CADM2: variants seen among roughly 807,000 people sequenced by gnomAD.
CADM2 encodes the protein cell adhesion molecule 2.
A neutral mutation model predicts 49.8 loss-of-function variants in CADM2; 12 were observed. The observed-to-expected ratio is 0.24, with a 90% CI of 0.15 to 0.39. CADM2 has a LOEUF of 0.39. Ranked by LOEUF, CADM2 falls within the 10% of genes least tolerant of loss-of-function variation. The pLI is 1.00. For missense variants in CADM2, 378 were observed against 492.3 expected (o/e 0.77, Z 2.20); for synonymous variants, 214 against 175.4 (o/e 1.22, Z -1.74).
intron 1 of CADM2, among the ~76,000 whole-genome samples, chr3:85,663,721 TA>T (rs145257246): frequency 6.6e-6 from 1 of 152,126 alleles, no homozygotes; most frequent in African/African-American, 2.4e-5. Flanking sequence ...CTTAACAGCA[TA>T]AAAGCATATT....
intron 1 of CADM2, among the ~76,000 whole-genome samples, chr3:85,334,525 A>G (rs1032314934): frequency 2.0e-5 from 3 of 151,710 alleles, no homozygotes; most frequent in East Asian, 1.9e-4. Context: ...TGATTAATCA[A>G]TGTTCAACAA....
intron 8 of CADM2, among the ~76,000 whole-genome samples, chr3:86,040,564 A>G (rs1735749724): frequency 6.6e-6 from 1 of 152,212 alleles, no homozygotes; most frequent in South Asian, 2.1e-4. Context: ...CAAAGCCTCC[A>G]AGAAATATGG....
intron 1 of CADM2, among the ~76,000 whole-genome samples, chr3:85,713,349 A>C (rs1401094350): frequency 6.6e-6 from 1 of 152,100 alleles, no homozygotes; most frequent in African/African-American, 2.4e-5. Context: ...GGGTTTCGTC[A>C]TGTTGGCCAG....
At chr3:85,763,855 C>G (rs916726750) in intron 2 of CADM2, among the ~76,000 whole-genome samples, 1 of 152,116 alleles carries the variant, frequency 6.6e-6, no homozygotes, top group Non-Finnish European at 1.5e-5. Flanking sequence ...CTTACCCATA[C>G]CCTCTTTACT....
At chr3:85,532,081 G>A (rs77657121) in intron 1 of CADM2, among the ~76,000 whole-genome samples, 78,012 of 151,998 alleles carry the variant, frequency 0.51, 23,093 homozygotes, top group East Asian at 0.85. Context: ...GGAGGCTGAG[G>A]CAGGAGAATG....
intron 1 of CADM2, among the ~76,000 whole-genome samples, chr3:85,184,867 T>G (rs2107711475): frequency 6.6e-6 from 1 of 152,216 alleles, no homozygotes; most frequent in East Asian, 1.9e-4. Context: ...TTCTTCACTG[T>G]TAGGGGGATA....
chr3:85,258,488 C>T (rs764991429), intron 1 of CADM2, among the ~76,000 whole-genome samples: 1 of 147,034 alleles, frequency 6.8e-6, no homozygotes, highest in Non-Finnish European at 1.5e-5. Context: ...ACAATACTCA[C>T]AAAAAGAGGA....
chr3:85,538,028 A>G (rs1292227536), intron 1 of CADM2, among the ~76,000 whole-genome samples: 1 of 152,114 alleles, frequency 6.6e-6, no homozygotes, highest in African/African-American at 2.4e-5. Context: ...TCATATCATA[A>G]TGTATTGTTT....
At chr3:85,268,656 A>C (rs1156788778) in intron 1 of CADM2, among the ~76,000 whole-genome samples, 1 of 151,452 alleles carries the variant, frequency 6.6e-6, no homozygotes, top group Non-Finnish European at 1.5e-5. Context: ...AAAATTCAAA[A>C]AAATGTAAGC....
chr3:85,727,419 G>T (rs1168381596), intron 2 of CADM2, among the ~76,000 whole-genome samples: 1 of 152,030 alleles, frequency 6.6e-6, no homozygotes, highest in African/African-American at 2.4e-5. Context: ...TTTGCTTATA[G>T]AATATGAAAT....
chr3:85,317,897 G>A (rs1437700528), intron 1 of CADM2, among the ~76,000 whole-genome samples: 3 of 152,156 alleles, frequency 2.0e-5, no homozygotes, highest in African/African-American at 4.8e-5. Flanking sequence ...GAATAAGAAG[G>A]TTTGACATTA....
chr3:85,698,452 G>T (rs903978314), intron 1 of CADM2, among the ~76,000 whole-genome samples: 1 of 152,142 alleles, frequency 6.6e-6, no homozygotes, highest in African/African-American at 2.4e-5. Flanking sequence ...AAAGAAAAGA[G>T]CTGTAATTGG....
chr3:85,913,626 T>C (rs1197621012), intron 6 of CADM2, among the ~76,000 whole-genome samples: 2 of 152,146 alleles, frequency 1.3e-5, no homozygotes, highest in African/African-American at 2.4e-5. Context: ...ACAAAACAAA[T>C]TGAGTTTGTC....
intron 1 of CADM2, among the ~76,000 whole-genome samples, chr3:85,444,587 C>T (rs181278535): frequency 8.6e-5 from 13 of 152,038 alleles, no homozygotes; most frequent in East Asian, 5.8e-4. Context: ...ATAGAGCTTT[C>T]GTGACCACCT....
intron 8 of CADM2, among the ~76,000 whole-genome samples, chr3:85,962,668 C>A (rs1245202575): frequency 6.6e-6 from 1 of 151,822 alleles, no homozygotes; most frequent in Non-Finnish European, 1.5e-5. Context: ...AGTCAGGTTT[C>A]TTTACTACAG....
chr3:85,877,480 A>C (rs561796970), intron 3 of CADM2, among the ~76,000 whole-genome samples: 1 of 152,180 alleles, frequency 6.6e-6, no homozygotes, highest in South Asian at 2.1e-4. Context: ...GAAAAGTTAA[A>C]TGATATGAAT....
intron 1 of CADM2, among the ~76,000 whole-genome samples, chr3:84,973,515 C>G (rs2031609396): frequency 6.6e-6 from 1 of 152,034 alleles, no homozygotes; most frequent in Non-Finnish European, 1.5e-5. Context: ...TCTATTCTAA[C>G]TGATTTGTTC....
At chr3:86,040,697 A>G (rs1380186374) in intron 8 of CADM2, among the ~76,000 whole-genome samples, 2 of 152,172 alleles carry the variant, frequency 1.3e-5, no homozygotes, top group Non-Finnish European at 2.9e-5. Context: ...ATCTAGCAAG[A>G]CAGGCCAACA....
intron 8 of CADM2, among the ~76,000 whole-genome samples, chr3:86,027,210 AT>A (rs1734007309): frequency 6.6e-6 from 1 of 152,086 alleles, no homozygotes; most frequent in Non-Finnish European, 1.5e-5. Flanking sequence ...ATATTTCACT[AT>A]TCTTTCCACA....
Sources: gnomAD v4.1 joint callset for allele counts (sites outside exome capture counted in the v4.1 genomes callset) on GRCh38, gnomAD v4.1.1 for gene constraint, MANE v1.5 for transcripts, NCBI Gene and HGNC (gene_info 2026-07-23, HGNC 2026-07-21) for gene names.